ARHGAP31: variants seen among roughly 807,000 people sequenced by gnomAD.
ARHGAP31 encodes rho GTPase-activating protein 31.
In ARHGAP31, 34 loss-of-function variants were observed where a neutral mutation model predicts 113.9. The observed-to-expected ratio is 0.30, with a 90% CI of 0.23 to 0.40. ARHGAP31 has a LOEUF of 0.40. Among genes scored for constraint, ARHGAP31 ranks in the 10% least tolerant of loss-of-function variants. The pLI is 1.00. For missense variants in ARHGAP31, 1,548 were observed against 1,767.1 expected (o/e 0.88, Z 2.22); for synonymous variants, 650 against 684.8 (o/e 0.95, Z 0.79).
At chr3:119,353,787 CAAAAAAAAAAAAAA>C in intron 1 of ARHGAP31, among the ~76,000 whole-genome samples, 1 of 88,236 alleles carries the variant, frequency 1.1e-5, no homozygotes, top group African/African-American at 4.3e-5. Context: ...GACTCCATCT[CAAAAAAAAAAAAAA>C]AAAAAAAAGT....
intron 1 of ARHGAP31, among the ~76,000 whole-genome samples, chr3:119,311,115 A>G (rs147888920): frequency 2.6e-5 from 4 of 152,280 alleles, no homozygotes; most frequent in East Asian, 1.9e-4. Flanking sequence ...CAGTTGGCCA[A>G]TCGTCTCCGT....
chr3:119,305,477 CT>C (rs2079623723), intron 1 of ARHGAP31, among the ~76,000 whole-genome samples: 2 of 152,184 alleles, frequency 1.3e-5, no homozygotes, highest in South Asian at 4.1e-4. Flanking sequence ...GATGTCAACT[CT>C]TCCATATAAA....
intron 1 of ARHGAP31, among the ~76,000 whole-genome samples, chr3:119,317,079 C>A (rs773880502): frequency 6.6e-6 from 1 of 152,188 alleles, no homozygotes; most frequent in Non-Finnish European, 1.5e-5. Context: ...AGAACACATA[C>A]GCAAAGCCAT....
At chr3:119,327,461 C>A (rs999672958) in intron 1 of ARHGAP31, among the ~76,000 whole-genome samples, 3 of 152,072 alleles carry the variant, frequency 2.0e-5, no homozygotes, top group African/African-American at 7.2e-5. Flanking sequence ...TGGAGAATCG[C>A]TTGAACCCAG....
intron 11 of ARHGAP31, among the ~76,000 whole-genome samples, chr3:119,412,638 T>A (rs2080726450): frequency 6.6e-6 from 1 of 151,900 alleles, no homozygotes. Context: ...CTGTGGGGAG[T>A]AAGGATGTAT....
At chr3:119,326,261 C>CA (rs1466636429) in intron 1 of ARHGAP31, among the ~76,000 whole-genome samples, 1 of 152,140 alleles carries the variant, frequency 6.6e-6, no homozygotes, top group Non-Finnish European at 1.5e-5. Flanking sequence ...CATTTGAAGA[C>CA]AAGTGGCCTA....
rs1385296819 is a variant in ARHGAP31 at position 119,402,026 on chromosome 3, C to A, written c.1274C>A (p.Ala425Asp). 6.2e-7 allele frequency: 1 copy of A among 1,614,094 alleles called. No individual in the cohort carries two copies. Among genetic ancestry groups the A allele is most frequent in the Non-Finnish European group, 8.5e-7 (1 of 1,180,018 alleles). Residue 425 changes from alanine (A) to aspartate (D), a missense_variant, in exon 10 of 12, where the codon GCC (alanine) becomes GAC (aspartate). Coordinates refer to ENST00000264245, the MANE Select transcript of ARHGAP31 (RefSeq NM_020754.4). ...SDRSHLQGAQARPPPEQLKVF... is the reference protein window; with the variant it reads ...SDRSHLQGAQDRPPPEQLKVF... ...CGCAGCCATCTCCAGGGCGCTCAGGCCCGGCCCCCACCGGAACAGCTGAAG... is the reference window on the plus strand; with the variant it reads ...CGCAGCCATCTCCAGGGCGCTCAGGACCGGCCCCCACCGGAACAGCTGAAG...
intron 3 of ARHGAP31, among the ~76,000 whole-genome samples, chr3:119,372,522 A>T (rs1419176830): frequency 1.3e-5 from 2 of 152,100 alleles, no homozygotes; most frequent in Non-Finnish European, 2.9e-5. Flanking sequence ...ACCTCAGGTG[A>T]TCCACCCACC....
intron 1 of ARHGAP31, among the ~76,000 whole-genome samples, chr3:119,334,209 C>G (rs993746399): frequency 2.0e-5 from 3 of 152,156 alleles, no homozygotes; most frequent in Non-Finnish European, 2.9e-5. Context: ...CCGGCTCCCC[C>G]TCATCTCCTG....
intron 8 of ARHGAP31, among the ~76,000 whole-genome samples, chr3:119,398,230 C>T (rs1445597969): frequency 6.6e-6 from 1 of 151,822 alleles, no homozygotes; most frequent in African/African-American, 2.4e-5. Context: ...ATCACTCTAC[C>T]ACACTCCAGC....
chr3:119,369,251 G>A (rs147957290), intron 3 of ARHGAP31, among the ~76,000 whole-genome samples: 110 of 152,314 alleles, frequency 7.2e-4, no homozygotes, highest in Admixed American at 1.6e-3. Flanking sequence ...AGAGGGCTGG[G>A]TTTAACCAAG....
chr3:119,363,395 C>T (rs2080227289), intron 1 of ARHGAP31, among the ~76,000 whole-genome samples: 1 of 152,160 alleles, frequency 6.6e-6, no homozygotes, highest in African/African-American at 2.4e-5. Context: ...CACAGCACCC[C>T]CCATCACACC....
chr3:119,311,700 C>T (rs2079684729), intron 1 of ARHGAP31, among the ~76,000 whole-genome samples: 1 of 152,174 alleles, frequency 6.6e-6, no homozygotes, highest in Non-Finnish European at 1.5e-5. Flanking sequence ...CTGCTAAGCA[C>T]TTATCAGGCA....
At chr3:119,396,800 C>T (rs1337207709) in intron 8 of ARHGAP31, among the ~76,000 whole-genome samples, 1 of 151,936 alleles carries the variant, frequency 6.6e-6, no homozygotes, top group Non-Finnish European at 1.5e-5. Context: ...GGTGTTTAAC[C>T]ATATCTAGAA....
intron 11 of ARHGAP31, 70 bp downstream of exon 11, chr3:119,409,846 A>G: frequency 6.8e-7 from 1 of 1,466,796 alleles, no homozygotes; most frequent in Non-Finnish European, 9.1e-7. Context: ...GGTACAATTT[A>G]AAGTAAATTG....
intron 3 of ARHGAP31, among the ~76,000 whole-genome samples, chr3:119,375,782 T>A (rs1290717917): frequency 6.6e-6 from 1 of 152,230 alleles, no homozygotes; most frequent in African/African-American, 2.4e-5. Flanking sequence ...TTTCTTTTTT[T>A]AATTAAACTT....
intron 8 of ARHGAP31, among the ~76,000 whole-genome samples, chr3:119,398,198 T>C (rs6782742): frequency 0.018 from 2,794 of 151,882 alleles, 72 homozygotes; most frequent in African/African-American, 0.063. Context: ...ACCCAGGAGG[T>C]TGAGGCTGTA....
chr3:119,298,028 G>T (rs929502846), intron 1 of ARHGAP31, among the ~76,000 whole-genome samples: 4 of 151,972 alleles, frequency 2.6e-5, no homozygotes, highest in Admixed American at 1.3e-4. Flanking sequence ...TACACAGGGG[G>T]GCCTGATATC....
intron 1 of ARHGAP31, chr3:119,324,745 C>T (rs1559967178): frequency 3.3e-6 from 1 of 299,312 alleles, no homozygotes. Flanking sequence ...TACTCTCAAC[C>T]CCTAGCCCTT....
Sources: gnomAD v4.1 joint callset for allele counts (sites outside exome capture counted in the v4.1 genomes callset) on GRCh38, gnomAD v4.1.1 for gene constraint, MANE v1.5 for transcripts, NCBI Gene and HGNC (gene_info 2026-07-23, HGNC 2026-07-21) for gene names.